Variants in ARL5B observed in about 807,000 individuals in gnomAD.
ARL5B encodes ADP-ribosylation factor-like protein 5B.
Under a neutral mutation model 26.9 loss-of-function variants are expected in ARL5B, and 10 were observed. The observed-to-expected ratio is 0.37, with a 90% confidence interval of 0.23 to 0.63. The LOEUF is 0.63. Ranked by LOEUF, ARL5B falls within the 30% of genes least tolerant of loss-of-function variation. The pLI is 0.62. For synonymous variants in ARL5B, 87 were observed against 70.4 expected (o/e 1.24, Z -1.18); for missense variants, 167 against 213.9 (o/e 0.78, Z 1.37).
At chr10:18,673,053 G>GT (rs890052796) in intron 4 of ARL5B, among the ~76,000 whole-genome samples, 2 of 150,478 alleles carry the variant, frequency 1.3e-5, no homozygotes, top group Non-Finnish European at 3.0e-5. Context: ...TTTTTTTTTT[G>GT]TTTTTTGTTT....
Sources: gnomAD v4.1 joint callset for allele counts (sites outside exome capture counted in the v4.1 genomes callset) on GRCh38, gnomAD v4.1.1 for gene constraint, MANE v1.5 for transcripts, NCBI Gene and HGNC (gene_info 2026-07-23, HGNC 2026-07-21) for gene names.